NALF1: variants seen among roughly 807,000 people sequenced by gnomAD.
NALF1 encodes NALCN channel auxiliary factor 1.
NALF1 carries 3 observed loss-of-function variants against 48.4 expected under a neutral mutation model. The observed-to-expected ratio is 0.06, with a 90% CI of 0.03 to 0.16. The LOEUF is 0.16. Ranked by LOEUF, NALF1 falls within the 10% of genes least tolerant of loss-of-function variation. NALF1 has a pLI of 1.00. For missense variants in NALF1, 526 were observed against 571.5 expected, an observed-to-expected ratio of 0.92 and a Z score of 0.81; for synonymous variants, 262 against 245.7, an observed-to-expected ratio of 1.07 and a Z score of -0.62.
At chr13:107,561,124 C>T (rs940761159) in intron 1 of NALF1, among the ~76,000 whole-genome samples, 25 of 152,166 alleles carry the variant, frequency 1.6e-4, no homozygotes, top group Non-Finnish European at 5.9e-5. Flanking sequence ...CAAGGATATT[C>T]TCCTACAACA....
chr13:107,853,520 A>G (rs2138644259), intron 1 of NALF1, among the ~76,000 whole-genome samples: 1 of 152,340 alleles, frequency 6.6e-6, no homozygotes, highest in East Asian at 1.9e-4. Context: ...TAAAGTTGCT[A>G]CTTTTATGAA....
intron 1 of NALF1, among the ~76,000 whole-genome samples, chr13:107,707,814 C>A (rs908765762): frequency 2.6e-5 from 4 of 152,158 alleles, no homozygotes; most frequent in Non-Finnish European, 4.4e-5. Flanking sequence ...CTTAAATTAG[C>A]CACACAATTA....
rs185610773 is a variant in NALF1, at chr13:107,467,433, C to A, written c.916-256678G>T. The stretch of plus-strand genomic sequence containing the variant: ...GTTCCCCAGAATAATTACCACTACT[C>A]CACATTCTTCCATTTCTATGTGAAA... On this transcript the variant is annotated intron_variant, in intron 1 of 2. Transcript: ENST00000375915. Among the ~76,000 whole-genome samples the A allele has an allele frequency of 1.3e-3, 199 of 151,708 alleles. 1 individual carries two copies. The highest frequency in any genetic ancestry group is 4.6e-3 in the African/African-American group (189 of 41,476).
At chr13:107,325,851 C>CATATATATAT (rs1409352115) in intron 1 of NALF1, among the ~76,000 whole-genome samples, 4 of 51,956 alleles carry the variant, frequency 7.7e-5, no homozygotes, top group African/African-American at 1.6e-4. Context: ...AACACACACA[C>CATATATATAT]ACACATATAT....
chr13:107,458,181 T>C (rs1003240222), intron 1 of NALF1, among the ~76,000 whole-genome samples: 3 of 152,182 alleles, frequency 2.0e-5, no homozygotes, highest in Admixed American at 1.3e-4. Flanking sequence ...GTATATTCTA[T>C]GTCAGAAAAA....
intron 1 of NALF1, among the ~76,000 whole-genome samples, chr13:107,817,920 A>G (rs2138613412): frequency 6.6e-6 from 1 of 152,306 alleles, no homozygotes; most frequent in East Asian, 1.9e-4. Context: ...CATCCACCTG[A>G]AAAAGATTTA....
chr13:107,797,528 C>G (rs1331064328), intron 1 of NALF1, among the ~76,000 whole-genome samples: 2 of 152,082 alleles, frequency 1.3e-5, no homozygotes, highest in Non-Finnish European at 2.9e-5. Flanking sequence ...TTTTTCAACC[C>G]CAGTCTGTAT....
intron 1 of NALF1, among the ~76,000 whole-genome samples, chr13:107,402,359 C>T (rs755623901): frequency 3.9e-5 from 6 of 152,170 alleles, no homozygotes; most frequent in Admixed American, 1.3e-4. Context: ...AATCCTTCCA[C>T]AGTCAAGCCT....
chr13:107,320,196 G>T (rs1882227143), intron 1 of NALF1, among the ~76,000 whole-genome samples: 1 of 152,002 alleles, frequency 6.6e-6, no homozygotes, highest in Non-Finnish European at 1.5e-5. Context: ...AACAGACATT[G>T]ACTGGCAGTA....
intron 1 of NALF1, among the ~76,000 whole-genome samples, chr13:107,310,912 T>C (rs527697968): frequency 6.6e-6 from 1 of 152,088 alleles, no homozygotes; most frequent in Non-Finnish European, 1.5e-5. Flanking sequence ...CCACCCACCT[T>C]GGCCTCCCAA....
intron 1 of NALF1, among the ~76,000 whole-genome samples, chr13:107,609,539 T>G (rs1879167332): frequency 6.6e-6 from 1 of 152,192 alleles, no homozygotes; most frequent in Non-Finnish European, 1.5e-5. Context: ...GCACAGCCAC[T>G]GAGTATTTTT....
intron 1 of NALF1, among the ~76,000 whole-genome samples, chr13:107,439,042 C>T (rs909125769): frequency 6.6e-6 from 1 of 151,766 alleles, no homozygotes; most frequent in Non-Finnish European, 1.5e-5. Context: ...CTTCACACAA[C>T]GCATTAGCTA....
intron 1 of NALF1, among the ~76,000 whole-genome samples, chr13:107,769,828 T>C (rs1362176178): frequency 6.6e-6 from 1 of 152,192 alleles, no homozygotes; most frequent in Non-Finnish European, 1.5e-5. Context: ...GTATAATGGG[T>C]TACCATCACC....
chr13:107,515,468 A>G (rs1289337715), intron 1 of NALF1, among the ~76,000 whole-genome samples: 2 of 152,166 alleles, frequency 1.3e-5, no homozygotes, highest in Non-Finnish European at 2.9e-5. Flanking sequence ...GCTATGATCC[A>G]TATATAACAG....
At chr13:107,213,230 CAAAAAA>C (rs386380636) in intron 1 of NALF1, among the ~76,000 whole-genome samples, 52 of 103,372 alleles carry the variant, frequency 5.0e-4, no homozygotes, top group African/African-American at 1.7e-3. Context: ...TTTTTTAACT[CAAAAAA>C]AAAAAAAAAA....
intron 1 of NALF1, among the ~76,000 whole-genome samples, chr13:107,684,205 C>T (rs527485066): frequency 7.2e-5 from 11 of 152,326 alleles, no homozygotes; most frequent in South Asian, 4.1e-4. Flanking sequence ...CAGCTCATCA[C>T]TTCACAAAGG....
At chr13:107,379,100 C>A (rs1432479378) in intron 1 of NALF1, among the ~76,000 whole-genome samples, 1 of 152,074 alleles carries the variant, frequency 6.6e-6, no homozygotes, top group East Asian at 1.9e-4. Context: ...TTACAGGGCC[C>A]CTTTAAAAGG....
chr13:107,704,951 T>C (rs1881911244), intron 1 of NALF1, among the ~76,000 whole-genome samples: 1 of 152,190 alleles, frequency 6.6e-6, no homozygotes, highest in Admixed American at 6.5e-5. Flanking sequence ...CTTTCTATTA[T>C]TAGTGTCATG....
At chr13:107,540,067 C>CACACACACACACACAT (rs1408827851) in intron 1 of NALF1, among the ~76,000 whole-genome samples, 3 of 152,022 alleles carry the variant, frequency 2.0e-5, no homozygotes, top group African/African-American at 7.2e-5. Flanking sequence ...CACACACACA[C>CACACACACACACACAT]ACATACACAT....
Sources: allele counts gnomAD v4.1 joint callset (sites outside exome capture counted in the v4.1 genomes callset), GRCh38; gene constraint gnomAD v4.1.1; transcripts MANE v1.5; gene names NCBI Gene and HGNC (gene_info 2026-07-23, HGNC 2026-07-21).